The following SLC1A2 variants were observed in gnomAD, a reference collection of about 807,000 sequenced individuals.
SLC1A2 encodes solute carrier family 1 member 2.
Under a neutral mutation model 48.8 loss-of-function variants are expected in SLC1A2, and 15 were observed. That is an observed-to-expected ratio of 0.31 (90% CI 0.21 to 0.47). SLC1A2 has a LOEUF of 0.47. Among genes scored for constraint, SLC1A2 ranks in the 20% least tolerant of loss-of-function variants. The pLI, the probability that SLC1A2 is intolerant of heterozygous loss-of-function variation, is 0.99. For synonymous variants in SLC1A2, 279 were observed against 272.6 expected, an observed-to-expected ratio of 1.02 and a Z score of -0.23; for missense variants, 502 against 730.5, an observed-to-expected ratio of 0.69 and a Z score of 3.61.
At position 35,286,788 on chromosome 11, in the gene SLC1A2, C is replaced by T; in HGVS notation, c.1255G>A (p.Val419Ile). The T allele has an allele frequency of 6.2e-7, 1 of 1,613,680 alleles. No homozygotes were observed. Among genetic ancestry groups the T allele is most frequent in the Non-Finnish European group, 8.5e-7 (1 of 1,179,728 alleles). Residue 419 changes from valine to isoleucine, a missense_variant, in exon 8 of 11, where the codon GTC becomes ATC. Val to Ile is a conservative substitution (Grantham distance 29). Around this residue, in one of 4 missense-constraint regions of SLC1A2, gnomAD observed 309 missense variants for 480.3 expected, o/e 0.64. Coordinates refer to ENST00000278379, the MANE Select transcript of SLC1A2 (RefSeq NM_004171.4). ...GTCACAATCTGTCCTCCATCCAGGA[C>T]AACACCATTCATTTGGGCTATAAAG... ...AIFIAQMNGV[V>I]LDGGQIVTVS...
chr11:35,312,056 T>C lies in SLC1A2; in HGVS notation c.561+142A>G, dbSNP rs531709173. ...TCCCAAGATCCTGCCCTAAACCACC[T>C]CATAGAATCCCTGGGCCTAGACAGA... On this transcript the variant is annotated intron_variant, in intron 4 of 10. Transcript: ENST00000278379. 3.6e-6 allele frequency: 3 copies of C among 822,316 alleles called. No individual in the cohort carries two copies. In the East Asian group the frequency reaches 7.5e-5, roughly 21 times the overall value. The allele number at this position is 822,316 out of a possible 1,614,324, so 50.9% of individuals were successfully genotyped here.
At chr11:35,410,677 G>A (rs1855430916) in intron 1 of SLC1A2, among the ~76,000 whole-genome samples, 1 of 152,052 alleles carries the variant, frequency 6.6e-6, no homozygotes, top group African/African-American at 2.4e-5. Context: ...TGTACCGAGG[G>A]CCATGTCCCG....
rs573860403 is a variant in SLC1A2, at chr11:35,403,568, G to T, written c.17+15382C>A. Among the ~76,000 whole-genome samples the T allele has an allele frequency of 6.6e-5, 10 of 152,270 alleles. No homozygotes were observed. The South Asian group carries it at 2.1e-3, about 32-fold the overall frequency. On this transcript the variant is annotated intron_variant, in intron 1 of 10. Transcript: ENST00000278379. ...GCAAAATGAAATCTTGAGACCCCTTGTTCAAATTAAACATTTCAAGATGAT... is the reference window on the plus strand; with the variant it reads ...GCAAAATGAAATCTTGAGACCCCTTTTTCAAATTAAACATTTCAAGATGAT...
chr11:35,396,639 C>T (rs1390234316), intron 1 of SLC1A2, among the ~76,000 whole-genome samples: 2 of 152,114 alleles, frequency 1.3e-5, no homozygotes, highest in Admixed American at 6.5e-5. Context: ...CCTGTTCACT[C>T]TGATGGTAGT....
intron 9 of SLC1A2, among the ~76,000 whole-genome samples, chr11:35,269,984 G>A (rs1029959306): frequency 1.3e-5 from 2 of 152,162 alleles, no homozygotes; most frequent in African/African-American, 4.8e-5. Context: ...GTGCACGCCT[G>A]TAATCCCAGC....
intron 1 of SLC1A2, among the ~76,000 whole-genome samples, chr11:35,403,800 G>C (rs1317219250): frequency 1.1e-5 from 1 of 92,072 alleles, no homozygotes; most frequent in East Asian, 3.4e-4. Context: ...CTTATGACAT[G>C]AGAAACTCAA....
chr11:35,385,893 C>T (rs370660920), intron 1 of SLC1A2, among the ~76,000 whole-genome samples: 3 of 152,118 alleles, frequency 2.0e-5, no homozygotes, highest in South Asian at 2.1e-4. Flanking sequence ...GTTGGCCCGG[C>T]GCGGTGGCTC....
intron 1 of SLC1A2, among the ~76,000 whole-genome samples, chr11:35,355,781 A>G (rs1853435235): frequency 6.6e-6 from 1 of 151,932 alleles, no homozygotes; most frequent in South Asian, 2.1e-4. Flanking sequence ...GCTACTCGGG[A>G]GGCTGAGGCA....
At chr11:35,343,670 C>A (rs370306882) in intron 1 of SLC1A2, among the ~76,000 whole-genome samples, 7 of 152,060 alleles carry the variant, frequency 4.6e-5, no homozygotes, top group East Asian at 1.9e-4. Flanking sequence ...AATTTGGGGA[C>A]CTACCCTAGC....
At chr11:35,379,784 G>A (rs1297962372) in intron 1 of SLC1A2, among the ~76,000 whole-genome samples, 2 of 152,142 alleles carry the variant, frequency 1.3e-5, no homozygotes, top group Non-Finnish European at 2.9e-5. Context: ...CCGGCCAATT[G>A]AAAGCTTGAT....
In SLC1A2 at chr11:35,252,941, T is replaced by C. The variant is rs747598311; in HGVS notation, c.*7953A>G. The C allele has an allele frequency of 6.6e-6, 1 of 152,592 alleles. No homozygotes were observed. The highest frequency in any genetic ancestry group is 6.5e-5 in the Admixed American group (1 of 15,274). 9.5% of individuals were successfully genotyped at this position (152,592 alleles called of 1,614,324 possible). On this transcript the variant is annotated 3_prime_UTR_variant, in exon 11 of 11. Transcript: ENST00000278379. ...TGAAAATAGATACAATTATTGCCAG[T>C]CGAGGGTACATCTAATCTGTTTGTT... is the stretch of plus-strand genomic sequence containing the variant.
rs144393078 is a variant in SLC1A2, at chr11:35,281,258, C to T, written c.1287-257G>A. 6.5e-3 allele frequency among the ~76,000 whole-genome samples: 986 copies of T among 152,226 alleles called. 10 individuals carry two copies. The highest frequency in any genetic ancestry group is 0.022 in the African/African-American group (934 of 41,546). On this transcript the variant is annotated intron_variant, in intron 8 of 10. Coordinates refer to ENST00000278379, the MANE Select transcript of SLC1A2 (RefSeq NM_004171.4). ...GGAGCCTTATTCCCATGATGCTATC[C>T]GGTTAGTCTAATATATCACAGGGCT...
intron 1 of SLC1A2, among the ~76,000 whole-genome samples, chr11:35,412,151 G>T (rs988780845): frequency 6.7e-6 from 1 of 148,918 alleles, no homozygotes; most frequent in Non-Finnish European, 1.5e-5. Flanking sequence ...AGTACAATTA[G>T]ATGACAAAAA....
intron 9 of SLC1A2, 50 bp from the exon 10 acceptor site, chr11:35,265,808 T>C (rs1236038053): frequency 8.5e-7 from 1 of 1,173,170 alleles, no homozygotes; most frequent in Non-Finnish European, 1.3e-6. Context: ...TATTATGTGG[T>C]AGTTGAGAGG....
At position 35,255,567 on chromosome 11, in the gene SLC1A2, G is replaced by T. The variant is rs1205304152; in HGVS notation, c.*5327C>A. On this transcript the variant is annotated 3_prime_UTR_variant, in exon 11 of 11. Transcript: ENST00000278379. ...ACCAAATTTCAAAAGAGTGATCAAGGTTATTCACCAAAGGCTCTCAAATTC... is the reference window on the plus strand; with the variant it reads ...ACCAAATTTCAAAAGAGTGATCAAGTTTATTCACCAAAGGCTCTCAAATTC... 1 of 152,208 alleles carries T rather than the reference G, an allele frequency of 6.6e-6. No homozygotes were observed. Among genetic ancestry groups the T allele is most frequent in the Non-Finnish European group, 1.5e-5 (1 of 68,044 alleles). The allele number at this position is 152,208 out of a possible 1,614,324, so 9.4% of individuals were successfully genotyped here.
At chr11:35,384,524 AT>A (rs1369376701) in intron 1 of SLC1A2, among the ~76,000 whole-genome samples, 2 of 152,244 alleles carry the variant, frequency 1.3e-5, no homozygotes, top group Non-Finnish European at 2.9e-5. Context: ...TGACAAATAC[AT>A]GTTAGATTTA....
chr11:35,420,371 G>T (rs896645686), upstream of SLC1A2, among the ~76,000 whole-genome samples: 4 of 152,054 alleles, frequency 2.6e-5, no homozygotes, highest in African/African-American at 4.8e-5. Flanking sequence ...GTGCAGCTTT[G>T]ATTATCTCTG....
chr11:35,412,156 C>CA (rs57354116), intron 1 of SLC1A2, among the ~76,000 whole-genome samples: 12,183 of 150,956 alleles, frequency 0.081, 1,130 homozygotes, highest in African/African-American at 0.23. Flanking sequence ...AATTAGATGA[C>CA]AAAAAAAACC....
At chr11:35,268,825 T>C (rs978287068) in intron 9 of SLC1A2, among the ~76,000 whole-genome samples, 5 of 152,156 alleles carry the variant, frequency 3.3e-5, no homozygotes, top group African/African-American at 4.8e-5. Flanking sequence ...TCTGACATCC[T>C]AGTAAAGTCA....
Sources: gnomAD v4.1 joint callset for allele counts (sites outside exome capture counted in the v4.1 genomes callset) on GRCh38, gnomAD v4.1.1 for gene constraint, gnomAD v4.1.1 regional missense constraint, MANE v1.5 for transcripts, NCBI Gene and HGNC (gene_info 2026-07-23, HGNC 2026-07-21) for gene names.